The following CEPT1 variants were observed in gnomAD, a reference collection of about 807,000 sequenced individuals.
CEPT1 encodes the protein choline/ethanolaminephosphotransferase 1.
In CEPT1, 7 loss-of-function variants were observed where a neutral mutation model predicts 42.6. The ratio of observed to expected loss-of-function variants is 0.16; its 90% confidence interval spans 0.09 to 0.31. The LOEUF is 0.31. Among genes scored for constraint, CEPT1 ranks in the 10% least tolerant of loss-of-function variants. CEPT1 has a pLI of 1.00. For missense variants in CEPT1, 306 were observed against 502.1 expected (o/e 0.61, Z 3.73); for synonymous variants, 171 against 171.9 (o/e 0.99, Z 0.04).
intron 4 of CEPT1, among the ~76,000 whole-genome samples, chr1:111,172,859 C>A (rs1178401910): frequency 6.6e-6 from 1 of 152,144 alleles, no homozygotes; most frequent in Admixed American, 6.5e-5. Context: ...GTTTTCCTGG[C>A]CCTCTCTCCA....
At chr1:111,153,710 A>G (rs978189362) in intron 2 of CEPT1, among the ~76,000 whole-genome samples, 1 of 152,124 alleles carries the variant, frequency 6.6e-6, no homozygotes, top group African/African-American at 2.4e-5. Flanking sequence ...TCCTAGCACC[A>G]TTTATTTATC....
At chr1:111,160,898 A>G in intron 3 of CEPT1, 1 of 486,592 alleles carries the variant, frequency 2.1e-6, no homozygotes, top group Non-Finnish European at 3.7e-6. Context: ...TACTCGAAGA[A>G]ATGTTGAAGT....
At chr1:111,155,721 A>G (rs1323225389) in intron 2 of CEPT1, among the ~76,000 whole-genome samples, 2 of 152,054 alleles carry the variant, frequency 1.3e-5, no homozygotes, top group Non-Finnish European at 2.9e-5. Flanking sequence ...TGTTTTTAGT[A>G]GAGATGGGGT....
chr1:111,145,552 A>C (rs1426449514), intron 1 of CEPT1, among the ~76,000 whole-genome samples: 1 of 152,214 alleles, frequency 6.6e-6, no homozygotes, highest in Non-Finnish European at 1.5e-5. Flanking sequence ...TTGTGTTCAC[A>C]TGTCCATACC....
intron 4 of CEPT1, among the ~76,000 whole-genome samples, chr1:111,166,246 T>G (rs1656140106): frequency 1.3e-5 from 2 of 152,220 alleles, no homozygotes; most frequent in Admixed American, 1.3e-4. Flanking sequence ...GGTAAAATCA[T>G]GGACATCTAT....
At chr1:111,161,134 A>G in intron 3 of CEPT1, 21 bp from the exon 4 acceptor site, 6 of 1,613,722 alleles carry the variant, frequency 3.7e-6, no homozygotes, top group Non-Finnish European at 5.1e-6. Context: ...TTTGGTTTTC[A>G]TCGTGATCTT....
At chr1:111,176,316 A>G (rs534423228) in intron 5 of CEPT1, among the ~76,000 whole-genome samples, 2 of 152,114 alleles carry the variant, frequency 1.3e-5, no homozygotes, top group Non-Finnish European at 2.9e-5. Flanking sequence ...TTTTAATAAC[A>G]GTTTTGCCTT....
intron 5 of CEPT1, chr1:111,180,398 T>A (rs1476293019): frequency 2.6e-5 from 4 of 152,194 alleles, no homozygotes; most frequent in Admixed American, 2.6e-4. Flanking sequence ...CCTAGTTTAT[T>A]GAACAAGAGC....
intron 4 of CEPT1, chr1:111,167,974 C>A: frequency 5.0e-6 from 1 of 200,082 alleles, no homozygotes; most frequent in Non-Finnish European, 8.9e-6. Context: ...GTCACTGCAG[C>A]CTTGAAACTC....
chr1:111,159,751 G>A, intron 3 of CEPT1: 1 of 357,242 alleles, frequency 2.8e-6, no homozygotes, highest in Non-Finnish European at 5.0e-6. Flanking sequence ...ATATTGTTTT[G>A]GCATCTTTTG....
chr1:111,176,878 T>C (rs1178438508), intron 5 of CEPT1, among the ~76,000 whole-genome samples: 1 of 152,228 alleles, frequency 6.6e-6, no homozygotes, highest in African/African-American at 2.4e-5. Flanking sequence ...CTCCTGACTC[T>C]GAATTTACAT....
chr1:111,183,706 G>A lies in CEPT1; in HGVS notation c.1131+119G>A, dbSNP rs1459892430. ...ATAATTGTAATGATTTGGAATGTCA[G>A]AAATCCACATAAATGGGGCTGTGTG... On this transcript the variant is annotated intron_variant, in intron 8 of 8. Transcript: ENST00000357172. 5 of 1,068,964 alleles carry A rather than the reference G, an allele frequency of 4.7e-6. No homozygotes were observed. The East Asian group carries it at 1.2e-4, about 26-fold the overall frequency. The allele number at this position is 1,068,964 out of a possible 1,614,324, so 66.2% of individuals were successfully genotyped here. A position where few individuals can be genotyped will look rare whatever the true frequency, so the allele number is the denominator to read the frequency against.
chr1:111,170,244 ACTT>A (rs1656353983), intron 4 of CEPT1, among the ~76,000 whole-genome samples: 1 of 152,098 alleles, frequency 6.6e-6, no homozygotes, highest in Non-Finnish European at 1.5e-5. Flanking sequence ...CCTATACTCT[ACTT>A]CTTTTTATAT....
At chr1:111,144,687 A>G (rs762344592) in intron 1 of CEPT1, among the ~76,000 whole-genome samples, 1 of 152,212 alleles carries the variant, frequency 6.6e-6, no homozygotes, top group African/African-American at 2.4e-5. Context: ...CTTTACAGTA[A>G]GAGAATAGAA....
chr1:111,139,541 C>A (rs2101167365), upstream of CEPT1: 1 of 152,396 alleles, frequency 6.6e-6, no homozygotes, highest in East Asian at 1.9e-4. Flanking sequence ...ACTCAATTAG[C>A]TTTTGTGGGA....
chr1:111,145,746 T>C (rs1233466304), intron 1 of CEPT1, among the ~76,000 whole-genome samples: 2 of 152,190 alleles, frequency 1.3e-5, no homozygotes. Flanking sequence ...CCTTCCATCC[T>C]GGGCAGCAGG....
At chr1:111,156,845 CAT>C (rs1232133469) in intron 2 of CEPT1, among the ~76,000 whole-genome samples, 8 of 152,112 alleles carry the variant, frequency 5.3e-5, no homozygotes, top group Admixed American at 2.6e-4. Context: ...TTAGTAAAAC[CAT>C]ATGTTTCTTG....
At chr1:111,140,703 ACCCTCCTG>A (rs1422304240) in intron 1 of CEPT1, 2 of 152,286 alleles carry the variant, frequency 1.3e-5, no homozygotes, top group South Asian at 2.1e-4. Flanking sequence ...TCAGGTCCAC[ACCCTCCTG>A]CCCGAATGCT....
intron 1 of CEPT1, among the ~76,000 whole-genome samples, chr1:111,142,126 A>G (rs1271986508): frequency 6.6e-6 from 1 of 152,158 alleles, no homozygotes; most frequent in Non-Finnish European, 1.5e-5. Context: ...TGTAGCCCAT[A>G]TGCCATTATC....
Sources: allele counts gnomAD v4.1 joint callset (sites outside exome capture counted in the v4.1 genomes callset), GRCh38; gene constraint gnomAD v4.1.1; transcripts MANE v1.5; gene names NCBI Gene and HGNC (gene_info 2026-07-23, HGNC 2026-07-21).